Variants in DTD1 observed in about 807,000 individuals in gnomAD.
DTD1 encodes the protein D-tyrosyl-tRNA deacylase 1 homolog.
Under a neutral mutation model 25.6 loss-of-function variants are expected in DTD1, and 13 were observed. The observed-to-expected ratio is 0.51, with a 90% CI of 0.33 to 0.81. The LOEUF is 0.81. Among genes scored for constraint, DTD1 ranks in the 30% least tolerant of loss-of-function variants. The pLI is 0.02. For synonymous variants in DTD1, 110 were observed against 103.6 expected (o/e 1.06, Z -0.37); for missense variants, 193 against 266.4 (o/e 0.72, Z 1.92).
At position 18,756,538 on chromosome 20, in the gene DTD1, A is replaced by G. The variant is rs539046396; in HGVS notation, c.*20-6822A>G. Among the ~76,000 whole-genome samples the G allele has an allele frequency of 3.1e-3, 476 of 152,288 alleles. 4 individuals are homozygous for G. Among genetic ancestry groups the G allele is most frequent in the African/African-American group, 0.011 (461 of 41,546 alleles). On this transcript the variant is annotated intron_variant, in intron 5 of 5. Transcript: ENST00000377452. ...TTATTAAATAGGAAATCCTTTCCCCATTTCTTGTTTTTGTCAGTTTTGTCA... is the reference window on the plus strand; with the variant it reads ...TTATTAAATAGGAAATCCTTTCCCCGTTTCTTGTTTTTGTCAGTTTTGTCA...
At chr20:18,653,567 A>G (rs2122358435) in intron 4 of DTD1, among the ~76,000 whole-genome samples, 1 of 152,354 alleles carries the variant, frequency 6.6e-6, no homozygotes, top group South Asian at 2.1e-4. Context: ...GCTTATAATT[A>G]CTGTGAAAGG....
At position 18,593,645 on chromosome 20, in the gene DTD1, G is replaced by A. The variant is rs1280140681; in HGVS notation, c.44-86G>A. The A allele has an allele frequency of 1.7e-5, 16 of 926,824 alleles. No individual in the cohort carries two copies. In the East Asian group the frequency reaches 4.1e-4, roughly 24 times the overall value. The allele number at this position is 926,824 out of a possible 1,614,324, so 57.4% of individuals were successfully genotyped here. On this transcript the variant is annotated intron_variant, in intron 1 of 5. Transcript: ENST00000377452. ...AGAAGTTATAAGAAGTATGTATGATGTTTAAAATACTCCTATGGTTACTTA... is the reference window on the plus strand; with the variant it reads ...AGAAGTTATAAGAAGTATGTATGATATTTAAAATACTCCTATGGTTACTTA...
chr20:18,733,045 G>A (rs2061244075), intron 4 of DTD1, among the ~76,000 whole-genome samples: 2 of 152,160 alleles, frequency 1.3e-5, no homozygotes, highest in Admixed American at 1.3e-4. Flanking sequence ...GTATACAGGT[G>A]GTTTGTTTAG....
chr20:18,741,185 T>C (rs2061276586), intron 4 of DTD1, among the ~76,000 whole-genome samples: 1 of 152,242 alleles, frequency 6.6e-6, no homozygotes, highest in Non-Finnish European at 1.5e-5. Flanking sequence ...GACCTGTTCA[T>C]GAGTATTTAT....
intron 4 of DTD1, among the ~76,000 whole-genome samples, chr20:18,629,782 C>A (rs893389116): frequency 6.6e-6 from 1 of 152,028 alleles, no homozygotes; most frequent in Non-Finnish European, 1.5e-5. Context: ...AGGAAACTTA[C>A]AATCATGGTG....
intron 2 of DTD1, among the ~76,000 whole-genome samples, chr20:18,595,339 T>G (rs1274640875): frequency 6.6e-6 from 1 of 152,164 alleles, no homozygotes; most frequent in Non-Finnish European, 1.5e-5. Flanking sequence ...CAATCTTAGC[T>G]TACTGCAATC....
chr20:18,588,223 C>CCGCGAGCCTGGTCCCCTT, intron 1 of DTD1, 108 bp downstream of exon 1: 1 of 1,037,582 alleles, frequency 9.6e-7, no homozygotes, highest in Non-Finnish European at 1.2e-6. Context: ...TGCGGCCCCT[C>CCGCGAGCCTGGTCCCCTT]CGCGAGCCTG....
chr20:18,702,983 G>A (rs2061112115), intron 4 of DTD1, among the ~76,000 whole-genome samples: 1 of 152,104 alleles, frequency 6.6e-6, no homozygotes, highest in Admixed American at 6.5e-5. Flanking sequence ...GTCCTGCTGG[G>A]TGGGTCAGCT....
chr20:18,730,110 T>C (rs1349643900), intron 4 of DTD1, among the ~76,000 whole-genome samples: 1 of 152,156 alleles, frequency 6.6e-6, no homozygotes, highest in African/African-American at 2.4e-5. Flanking sequence ...ATGGGAATTG[T>C]GGTTTTTGTT....
chr20:18,648,226 G>T (rs6045533), intron 4 of DTD1, among the ~76,000 whole-genome samples: 1 of 152,166 alleles, frequency 6.6e-6, no homozygotes, highest in Non-Finnish European at 1.5e-5. Flanking sequence ...TTGGTGGGCA[G>T]GTGTGCTTAG....
At position 18,641,146 on chromosome 20, in the gene DTD1, C is replaced by T. The variant is rs140259961; in HGVS notation, c.477+12913C>T. 3.5e-3 allele frequency among the ~76,000 whole-genome samples: 528 copies of T among 152,244 alleles called. 1 individual carries two copies. Among genetic ancestry groups the T allele is most frequent in the African/African-American group, 0.012 (486 of 41,540 alleles). On this transcript the variant is annotated intron_variant, in intron 4 of 5. Coordinates refer to ENST00000377452, the MANE Select transcript of DTD1 (RefSeq NM_080820.6). ...TAGCATAATTTCTTCAAGATTCATC[C>T]ATGTTGAGCCTTATGTTCATAGCAT... is the stretch of plus-strand genomic sequence containing the variant.
chr20:18,628,933 C>T (rs1045700020), intron 4 of DTD1, among the ~76,000 whole-genome samples: 1 of 150,648 alleles, frequency 6.6e-6, no homozygotes, highest in Non-Finnish European at 1.5e-5. Flanking sequence ...AGTGATGCGG[C>T]AGTAAGGGGA....
intron 4 of DTD1, among the ~76,000 whole-genome samples, chr20:18,698,035 T>C (rs1474527487): frequency 2.0e-5 from 3 of 152,250 alleles, no homozygotes; most frequent in African/African-American, 4.8e-5. Context: ...ATCTTTATTC[T>C]GATAATACTT....
At chr20:18,744,636 C>CA (rs796918448) in intron 5 of DTD1, among the ~76,000 whole-genome samples, 2,170 of 11,318 alleles carry the variant, frequency 0.19, 93 homozygotes, top group Admixed American at 0.37. Flanking sequence ...GACTCCATCT[C>CA]AAAAAAAAAA....
rs2061305234 is a variant in DTD1, at chr20:18,747,582, C to T, written c.*19+3311C>T. The stretch of plus-strand genomic sequence containing the variant: ...AGAAGCAAAACTCAGATTGGACACT[C>T]CAGTTTCCACTCCTGGGGTTCAGGG... On this transcript the variant is annotated intron_variant, in intron 5 of 5. Transcript: ENST00000377452. 2.0e-5 allele frequency among the ~76,000 whole-genome samples: 3 copies of T among 152,204 alleles called. No individual in the cohort carries two copies. The South Asian group carries it at 6.2e-4, about 31-fold the overall frequency.
At chr20:18,691,296 A>C (rs1406121700) in intron 4 of DTD1, among the ~76,000 whole-genome samples, 1 of 152,198 alleles carries the variant, frequency 6.6e-6, no homozygotes, top group Non-Finnish European at 1.5e-5. Flanking sequence ...AGATTGTTCT[A>C]CCAAAAAGAC....
chr20:18,607,273 T>C (rs2060663843), intron 3 of DTD1, among the ~76,000 whole-genome samples: 1 of 152,026 alleles, frequency 6.6e-6, no homozygotes, highest in Admixed American at 6.5e-5. Flanking sequence ...ACGATTCTCA[T>C]ACCTCAGCCT....
At chr20:18,669,197 C>T (rs1484950561) in intron 4 of DTD1, among the ~76,000 whole-genome samples, 2 of 152,122 alleles carry the variant, frequency 1.3e-5, no homozygotes, top group African/African-American at 2.4e-5. Flanking sequence ...TGGGAAGGGG[C>T]GTCTCTGAGG....
chr20:18,594,873 A>G (rs1229650973), intron 2 of DTD1, among the ~76,000 whole-genome samples: 3 of 152,194 alleles, frequency 2.0e-5, no homozygotes, highest in Non-Finnish European at 4.4e-5. Context: ...TGCTTAAGAG[A>G]TGTGATTCAA....
Sources: allele counts gnomAD v4.1 joint callset (sites outside exome capture counted in the v4.1 genomes callset), GRCh38; gene constraint gnomAD v4.1.1; transcripts MANE v1.5; gene names NCBI Gene and HGNC (gene_info 2026-07-23, HGNC 2026-07-21).